DNAH7: variants seen among roughly 807,000 people sequenced by gnomAD.
DNAH7 encodes dynein axonemal heavy chain 7.
DNAH7 carries 397 observed loss-of-function variants against 444.6 expected under a neutral mutation model. That is an observed-to-expected ratio of 0.89 (90% CI 0.82 to 0.97). The LOEUF is 0.97. DNAH7 is among the 50% of genes least tolerant of loss of function. DNAH7 has a pLI of 0.00. For synonymous variants in DNAH7, 1,636 were observed against 1,624.4 expected (o/e 1.01, Z -0.17); for missense variants, 4,902 against 4,800.8 (o/e 1.02, Z -0.62).
chr2:195,902,056 T>G (rs1042210091), intron 27 of DNAH7: 6 of 152,184 alleles, frequency 3.9e-5, no homozygotes, highest in Admixed American at 3.9e-4. Context: ...AAAGAAGTTA[T>G]TCTAGTGAAT....
At chr2:196,046,216 G>A (rs766110641) in intron 5 of DNAH7, among the ~76,000 whole-genome samples, 2 of 152,166 alleles carry the variant, frequency 1.3e-5, no homozygotes, top group Admixed American at 6.5e-5. Flanking sequence ...CTAAGGCTAC[G>A]GCTGCCCTTA....
chr2:195,914,037 C>G (rs1184499353), intron 24 of DNAH7, among the ~76,000 whole-genome samples: 1 of 152,138 alleles, frequency 6.6e-6, no homozygotes, highest in Non-Finnish European at 1.5e-5. Context: ...TAACCATTTC[C>G]TTCTCAAAGC....
intron 16 of DNAH7, among the ~76,000 whole-genome samples, chr2:195,971,830 G>A (rs1265951023): frequency 6.6e-6 from 1 of 152,028 alleles, no homozygotes; most frequent in Admixed American, 6.6e-5. Context: ...TGGGCACAAT[G>A]CTCATGAGAG....
chr2:195,930,252 G>C (rs753190100), intron 21 of DNAH7, among the ~76,000 whole-genome samples: 31 of 152,184 alleles, frequency 2.0e-4, no homozygotes, highest in Non-Finnish European at 4.3e-4. Context: ...TGAGACAGAA[G>C]AATTGCTTGA....
At position 195,886,255 on chromosome 2, in the gene DNAH7, G is replaced by A. The variant is rs184667357; in HGVS notation, c.5424C>T (p.Ser1808=). ...RKHTKELSPT[S]DTNLVRSLMN... ...TTAAGGACCGGACCAAGTTTGTATCGGAAGTAGGAGATAATTCCTGAAAAG... is the reference window on the plus strand; with the variant it reads ...TTAAGGACCGGACCAAGTTTGTATCAGAAGTAGGAGATAATTCCTGAAAAG... The change falls in exon 34 of 65, where the codon TCC becomes TCT. Residue 1808 remains serine, a synonymous_variant. Transcript: ENST00000312428. 1.7e-5 allele frequency: 28 copies of A among 1,610,568 alleles called. 1 individual carries two copies. The East Asian group carries it at 2.0e-4, about 12-fold the overall frequency.
chr2:195,843,764 T>C (rs1479350867), intron 47 of DNAH7, among the ~76,000 whole-genome samples: 1 of 152,204 alleles, frequency 6.6e-6, no homozygotes, highest in Non-Finnish European at 1.5e-5. Context: ...AAAATAAATG[T>C]GTTCACCAGA....
At chr2:195,852,891 TACACACACACAC>T (rs4014237) in intron 46 of DNAH7, among the ~76,000 whole-genome samples, 2 of 139,052 alleles carry the variant, frequency 1.4e-5, no homozygotes, top group African/African-American at 2.8e-5. Flanking sequence ...GCTGATGAAG[TACACACACACAC>T]ACACACACAC....
chr2:195,944,837 G>A (rs1689695668), intron 19 of DNAH7, among the ~76,000 whole-genome samples: 1 of 151,962 alleles, frequency 6.6e-6, no homozygotes, highest in South Asian at 2.1e-4. Context: ...ATTATACCAT[G>A]TCTTTTATTT....
At chr2:195,974,309 T>C (rs1692042115) in intron 15 of DNAH7, among the ~76,000 whole-genome samples, 1 of 152,234 alleles carries the variant, frequency 6.6e-6, no homozygotes, top group South Asian at 2.1e-4. Flanking sequence ...ATTTAGTTAA[T>C]CAGCTATCTA....
In DNAH7 at chr2:195,855,825, C is replaced by T. The variant is rs749736083; in HGVS notation, c.8581G>A (p.Asp2861Asn). 1.2e-6 allele frequency: 2 copies of T among 1,612,642 alleles called. No individual in the cohort carries two copies. The highest frequency in any genetic ancestry group is 3.4e-5 in the Admixed American group (2 of 59,658). Residue 2861 changes from aspartate (D) to asparagine (N), a missense_variant, in exon 45 of 65, where the codon GAC becomes AAC. Physicochemically the swap from Asp to Asn is conservative, Grantham distance 23. Transcript: ENST00000312428. ...TCAGCACACACCTGGTTTTCCAGGT[C>T]AGCCTTCTTTTGTTTATTTAATTCA... is the stretch of plus-strand genomic sequence containing the variant. ...TLELNKQKKA[D>N]LENQVDLCSK...
At chr2:195,907,240 C>A (rs556522797) in intron 25 of DNAH7, among the ~76,000 whole-genome samples, 1 of 151,642 alleles carries the variant, frequency 6.6e-6, no homozygotes, top group East Asian at 1.9e-4. Flanking sequence ...CTCCTTTCTG[C>A]ATTTTTTTTT....
intron 40 of DNAH7, among the ~76,000 whole-genome samples, chr2:195,867,546 T>G (rs997016475): frequency 6.6e-6 from 1 of 152,180 alleles, no homozygotes; most frequent in African/African-American, 2.4e-5. Flanking sequence ...CAGAACTTTA[T>G]CATCACCCCA....
chr2:196,058,214 C>T, intron 1 of DNAH7, 98 bp from the exon 2 acceptor site: 1 of 800,596 alleles, frequency 1.2e-6, no homozygotes, highest in Non-Finnish European at 1.9e-6. Context: ...AAGCATACAT[C>T]ATCCAAAATA....
chr2:195,946,742 C>T (rs1176665003), intron 19 of DNAH7, among the ~76,000 whole-genome samples: 1 of 152,110 alleles, frequency 6.6e-6, no homozygotes, highest in Non-Finnish European at 1.5e-5. Flanking sequence ...TCCTTCTCTT[C>T]ACCCGGTCCT....
At chr2:195,912,921 G>A (rs1234868291) in intron 24 of DNAH7, among the ~76,000 whole-genome samples, 1 of 152,148 alleles carries the variant, frequency 6.6e-6, no homozygotes, top group African/African-American at 2.4e-5. Flanking sequence ...TGAGGGAGAA[G>A]GGAGCTTTAA....
chr2:195,945,911 C>T (rs941025381), intron 19 of DNAH7, among the ~76,000 whole-genome samples: 2 of 152,102 alleles, frequency 1.3e-5, no homozygotes, highest in African/African-American at 2.4e-5. Context: ...TACTTCATCT[C>T]CATCTGGTGG....
chr2:195,759,355 G>A (rs1366180717), intron 61 of DNAH7, among the ~76,000 whole-genome samples: 2 of 152,142 alleles, frequency 1.3e-5, no homozygotes, highest in African/African-American at 2.4e-5. Context: ...ATCACCTGCT[G>A]ACTAAGGAGC....
At chr2:196,011,968 T>A (rs556597108) in intron 10 of DNAH7, among the ~76,000 whole-genome samples, 2 of 152,138 alleles carry the variant, frequency 1.3e-5, no homozygotes, top group African/African-American at 2.4e-5. Flanking sequence ...TACTTTTACA[T>A]TAACTAAATA....
At chr2:196,043,812 A>G (rs1261543266) in intron 5 of DNAH7, among the ~76,000 whole-genome samples, 1 of 152,142 alleles carries the variant, frequency 6.6e-6, no homozygotes, top group African/African-American at 2.4e-5. Flanking sequence ...AATACTCAAC[A>G]TCCCTAATTA....
Sources: gnomAD v4.1 joint callset for allele counts (sites outside exome capture counted in the v4.1 genomes callset) on GRCh38, gnomAD v4.1.1 for gene constraint, MANE v1.5 for transcripts, NCBI Gene and HGNC (gene_info 2026-07-23, HGNC 2026-07-21) for gene names.